Variants in CDIN1 observed in about 807,000 individuals in gnomAD.
CDIN1 encodes CDAN1-interacting nuclease 1.
A neutral mutation model predicts 45.3 loss-of-function variants in CDIN1; 33 were observed. The observed-to-expected ratio is 0.73, with a 90% CI of 0.55 to 0.97. The LOEUF (loss-of-function observed/expected upper bound fraction) is 0.97, where lower values mean the gene tolerates loss of function less well. Ranked by LOEUF, CDIN1 falls within the 50% of genes least tolerant of loss-of-function variation. The probability of loss-of-function intolerance (pLI) is 0.00; values close to 1 mark genes in which losing one functional copy is unlikely to be tolerated. For synonymous variants in CDIN1, 118 were observed against 124.4 expected (o/e 0.95, Z 0.34); for missense variants, 303 against 339.4 (o/e 0.89, Z 0.84).
intron 10 of CDIN1, among the ~76,000 whole-genome samples, chr15:36,731,973 A>G (rs556641648): frequency 2.0e-5 from 3 of 152,274 alleles, no homozygotes; most frequent in East Asian, 1.9e-4. Context: ...AATAAAAACT[A>G]TTTTACAAAC....
rs1049838000 is a variant in CDIN1 at position 36,709,907 on chromosome 15, A to G, written c.662A>G (p.Asp221Gly). The change falls in exon 10 of 11, where the codon GAT (aspartate) becomes GGT (glycine). Residue 221 changes from aspartate (D) to glycine (G), a missense_variant. Asp to Gly is a moderately conservative substitution (Grantham distance 94). Transcript: ENST00000566621. ...ATTGAAAGCAAAGCCTCATTTGGTG[A>G]TGAATGTAGCCACCACGCCTACCTG... ...HWIESKASFGDECSHHAYLHD... is the reference protein window; with the variant it reads ...HWIESKASFGGECSHHAYLHD... The G allele has an allele frequency of 1.9e-6, 3 of 1,613,408 alleles. No individual in the cohort carries two copies. Among genetic ancestry groups the G allele is most frequent in the East Asian group, 2.2e-5 (1 of 44,870 alleles).
intron 1 of CDIN1, chr15:36,617,026 C>T (rs1019297731): frequency 2.7e-6 from 2 of 734,524 alleles, no homozygotes; most frequent in Non-Finnish European, 5.0e-6. Context: ...TCTGTTGGGG[C>T]ACGGGCCTGT....
intron 1 of CDIN1, among the ~76,000 whole-genome samples, chr15:36,622,978 G>C (rs748148165): frequency 4.6e-5 from 7 of 152,234 alleles, no homozygotes; most frequent in Non-Finnish European, 1.0e-4. Flanking sequence ...GTATGGAGCT[G>C]CCAATGTGCA....
rs956783348 is a variant in CDIN1, at chr15:36,631,271, A to G, written c.102-13007A>G. ...TAAGAATGGCTTTATGGAGATATTTATGTACCATAAATTTCACTCTTTAAA... is the reference window on the plus strand; with the variant it reads ...TAAGAATGGCTTTATGGAGATATTTGTGTACCATAAATTTCACTCTTTAAA... On this transcript the variant is annotated intron_variant, in intron 1 of 10. Transcript: ENST00000566621. 5.3e-5 allele frequency among the ~76,000 whole-genome samples: 8 copies of G among 152,286 alleles called. No individual in the cohort carries two copies. The South Asian group carries it at 1.2e-3, about 24-fold the overall frequency.
rs1001589701 is a variant in CDIN1, at chr15:36,579,654, G to T, written c.-207G>T. Reference sequence around the variant, plus strand: ...CTGGTGTACAGCCAGTCCCCGCCGCGGAGGTGCCGGTGGAGCCTGGGACCG... The same window carrying T: ...CTGGTGTACAGCCAGTCCCCGCCGCTGAGGTGCCGGTGGAGCCTGGGACCG... On this transcript the variant is annotated 5_prime_UTR_variant, in exon 1 of 11. Transcript: ENST00000566621. 8 of 528,822 alleles carry T rather than the reference G, an allele frequency of 1.5e-5. No individual in the cohort carries two copies. In the Admixed American group the frequency reaches 2.5e-4, roughly 16 times the overall value. The allele number at this position is 528,822 out of a possible 1,614,324, so 32.8% of individuals were successfully genotyped here. A position where few individuals can be genotyped will look rare whatever the true frequency, so the allele number is the denominator to read the frequency against.
At chr15:36,790,463 A>G (rs1286122710) in intron 10 of CDIN1, 1 of 152,230 alleles carries the variant, frequency 6.6e-6, no homozygotes, top group African/African-American at 2.4e-5. Context: ...GTTCGGCAGC[A>G]GAGTAGAGTG....
chr15:36,701,391 G>A (rs899686747), intron 8 of CDIN1, among the ~76,000 whole-genome samples: 2 of 152,032 alleles, frequency 1.3e-5, no homozygotes, highest in East Asian at 1.9e-4. Flanking sequence ...TAATGAGACC[G>A]TATTTTGCTG....
At chr15:36,744,139 A>G (rs1379874075) in intron 10 of CDIN1, among the ~76,000 whole-genome samples, 7 of 152,112 alleles carry the variant, frequency 4.6e-5, no homozygotes, top group Non-Finnish European at 7.3e-5. Context: ...GAGGGGACAT[A>G]GCAAAAAAGG....
chr15:36,641,285 A>G (rs1314538340), intron 1 of CDIN1: 2 of 152,260 alleles, frequency 1.3e-5, no homozygotes, highest in Admixed American at 6.5e-5. Context: ...GCTCAATTCC[A>G]TGGTCTCTTC....
At chr15:36,728,575 A>G (rs909684368) in intron 10 of CDIN1, among the ~76,000 whole-genome samples, 2 of 144,446 alleles carry the variant, frequency 1.4e-5, no homozygotes, top group African/African-American at 5.1e-5. Context: ...TTTAAATGCC[A>G]CGCTTATTTT....
intron 1 of CDIN1, chr15:36,640,665 G>A: frequency 1.0e-6 from 1 of 984,740 alleles, no homozygotes; most frequent in Non-Finnish European, 1.2e-6. Flanking sequence ...TTAAGGTTCT[G>A]CATGCTTTAG....
At chr15:36,756,778 CCCTT>C (rs1490352523) in intron 10 of CDIN1, among the ~76,000 whole-genome samples, 1 of 152,134 alleles carries the variant, frequency 6.6e-6, no homozygotes, top group Non-Finnish European at 1.5e-5. Context: ...TAACCACACT[CCCTT>C]TCTTTCTGAC....
intron 1 of CDIN1, among the ~76,000 whole-genome samples, chr15:36,608,409 C>G (rs1037489202): frequency 2.6e-5 from 4 of 152,008 alleles, no homozygotes; most frequent in African/African-American, 9.7e-5. Flanking sequence ...ATTTCTATTT[C>G]CTCAGTGACT....
At chr15:36,715,659 A>T (rs2043193273) in intron 10 of CDIN1, among the ~76,000 whole-genome samples, 1 of 152,226 alleles carries the variant, frequency 6.6e-6, no homozygotes. Flanking sequence ...AACAAGTGAC[A>T]GATTGACTAA....
chr15:36,726,771 G>C (rs1227673476), intron 10 of CDIN1, among the ~76,000 whole-genome samples: 1 of 152,126 alleles, frequency 6.6e-6, no homozygotes, highest in East Asian at 1.9e-4. Context: ...AAATGATAGA[G>C]AGAGGGTTAA....
intron 10 of CDIN1, among the ~76,000 whole-genome samples, chr15:36,763,745 G>A (rs2053838665): frequency 6.6e-6 from 1 of 152,134 alleles, no homozygotes; most frequent in African/African-American, 2.4e-5. Context: ...GTATGTCTGT[G>A]TTCTCTGTGT....
At chr15:36,614,444 T>C (rs531465111) in intron 1 of CDIN1, among the ~76,000 whole-genome samples, 1 of 152,290 alleles carries the variant, frequency 6.6e-6, no homozygotes, top group East Asian at 1.9e-4. Flanking sequence ...GTGAGCACAA[T>C]GCATAGTGTC....
intron 10 of CDIN1, among the ~76,000 whole-genome samples, chr15:36,800,907 G>GTTTATATATA: frequency 3.2e-5 from 1 of 31,618 alleles, no homozygotes; most frequent in South Asian, 2.6e-3. Flanking sequence ...GTGTGTGTGT[G>GTTTATATATA]TGTATATATA....
chr15:36,632,572 C>T (rs2039723357), intron 1 of CDIN1, among the ~76,000 whole-genome samples: 1 of 152,070 alleles, frequency 6.6e-6, no homozygotes, highest in Non-Finnish European at 1.5e-5. Flanking sequence ...CCTTGCCCTA[C>T]CGTAGTTCAA....
Sources: gnomAD v4.1 joint callset for allele counts (sites outside exome capture counted in the v4.1 genomes callset) on GRCh38, gnomAD v4.1.1 for gene constraint, MANE v1.5 for transcripts, NCBI Gene and HGNC (gene_info 2026-07-23, HGNC 2026-07-21) for gene names.